The following MAGI1 variants were observed in gnomAD, a reference collection of about 807,000 sequenced individuals.
The protein encoded by MAGI1 is membrane-associated guanylate kinase, WW and PDZ domain-containing protein 1.
A neutral mutation model predicts 139.9 loss-of-function variants in MAGI1; 58 were observed. The ratio of observed to expected loss-of-function variants is 0.41; its 90% CI spans 0.34 to 0.52. The LOEUF (loss-of-function observed/expected upper bound fraction) is 0.52, where lower values mean the gene tolerates loss of function less well. Ranked by LOEUF, MAGI1 falls within the 20% of genes least tolerant of loss-of-function variation. MAGI1 has a pLI of 0.12. For synonymous variants in MAGI1, 812 were observed against 737.9 expected, an observed-to-expected ratio of 1.10 and a Z score of -1.63; for missense variants, 1,874 against 1,901.6, an observed-to-expected ratio of 0.99 and a Z score of 0.27.
Position 65,439,885 on chromosome 3 carries a change from TCTGCTGCTGCTG to T in MAGI1, c.1252_1263del (p.Gln418_Gln421del), listed in dbSNP as rs142043619. 3.2e-4 allele frequency: 504 copies of T among 1,584,894 alleles called. 6 individuals carry two copies. The East Asian group carries it at 0.011, about 35-fold the overall frequency. On this transcript the variant is annotated inframe_deletion, in exon 9 of 23. Coordinates refer to ENST00000402939, the MANE Select transcript of MAGI1 (RefSeq NM_001033057.2). ...CTAGAGGAAAGAGGCCAACCTTCTGTCTGCTGCTGCTGCTGCTGCTGCTGCTGCTGTTGCTGC... is the reference window on the plus strand; with the variant it reads ...CTAGAGGAAAGAGGCCAACCTTCTGTCTGCTGCTGCTGCTGCTGTTGCTGC...
intron 2 of MAGI1, among the ~76,000 whole-genome samples, chr3:65,528,365 G>A (rs1357952525): frequency 6.6e-6 from 1 of 152,126 alleles, no homozygotes; most frequent in Non-Finnish European, 1.5e-5. Flanking sequence ...TTACATAGCC[G>A]AAGTCCTTCA....
rs536585882 is a variant in MAGI1, at chr3:65,531,675, T to C, written c.431-38044A>G. 4.6e-5 allele frequency among the ~76,000 whole-genome samples: 7 copies of C among 152,236 alleles called. No individual in the cohort carries two copies. The South Asian group carries it at 1.2e-3, about 27-fold the overall frequency. On this transcript the variant is annotated intron_variant, in intron 2 of 22. Transcript: ENST00000402939. ...GGCATCACCCTCAAGTGGAATAAAA[T>C]AGCATTAAGAACATACACGCCTTGG... is the stretch of plus-strand genomic sequence containing the variant.
intron 1 of MAGI1, among the ~76,000 whole-genome samples, chr3:65,665,108 A>G (rs1251891781): frequency 2.0e-5 from 3 of 152,160 alleles, no homozygotes; most frequent in Non-Finnish European, 4.4e-5. Flanking sequence ...CATGCTATCA[A>G]TCTAAAGCAA....
At chr3:65,793,192 T>A (rs796134900) in intron 1 of MAGI1, among the ~76,000 whole-genome samples, 57 of 152,342 alleles carry the variant, frequency 3.7e-4, no homozygotes, top group African/African-American at 1.1e-3. Flanking sequence ...CAGGGCTTCA[T>A]CACATTATCA....
chr3:65,674,205 G>A (rs562119534), intron 1 of MAGI1, among the ~76,000 whole-genome samples: 5 of 152,272 alleles, frequency 3.3e-5, no homozygotes, highest in Admixed American at 3.3e-4. Flanking sequence ...ATGATGTTAA[G>A]TAGCTAAGAT....
intron 1 of MAGI1, among the ~76,000 whole-genome samples, chr3:65,703,122 T>G (rs2089728452): frequency 6.6e-6 from 1 of 152,150 alleles, no homozygotes; most frequent in East Asian, 1.9e-4. Context: ...CAAGGCATGA[T>G]GCGCATCTCT....
chr3:65,519,481 G>T (rs2078055386), intron 2 of MAGI1, among the ~76,000 whole-genome samples: 1 of 152,046 alleles, frequency 6.6e-6, no homozygotes, highest in African/African-American at 2.4e-5. Flanking sequence ...AGCCTCCTCA[G>T]TTCCAGTGAT....
chr3:65,787,697 G>A (rs1285113808), intron 1 of MAGI1, among the ~76,000 whole-genome samples: 1 of 151,912 alleles, frequency 6.6e-6, no homozygotes, highest in Non-Finnish European at 1.5e-5. Flanking sequence ...AGTTCATGGT[G>A]TTATGGGAAC....
intron 2 of MAGI1, among the ~76,000 whole-genome samples, chr3:65,550,588 T>C (rs1490457657): frequency 6.6e-6 from 1 of 152,142 alleles, no homozygotes; most frequent in Non-Finnish European, 1.5e-5. Context: ...ACCACAGCAA[T>C]AGTGATGGGA....
chr3:65,704,880 C>T (rs2029891624), intron 1 of MAGI1, among the ~76,000 whole-genome samples: 1 of 152,086 alleles, frequency 6.6e-6, no homozygotes, highest in African/African-American at 2.4e-5. Flanking sequence ...CTCATATTTA[C>T]CTACCCTTCC....
chr3:65,504,750 A>T (rs2077212230), intron 2 of MAGI1, among the ~76,000 whole-genome samples: 1 of 152,204 alleles, frequency 6.6e-6, no homozygotes, highest in African/African-American at 2.4e-5. Context: ...AACTGTCAGG[A>T]ACTATGTCTT....
intron 2 of MAGI1, among the ~76,000 whole-genome samples, chr3:65,586,342 T>C (rs756493988): frequency 6.6e-6 from 1 of 152,098 alleles, no homozygotes; most frequent in African/African-American, 2.4e-5. Flanking sequence ...TTATTAGGAA[T>C]AGAAAATGGA....
intron 12 of MAGI1, among the ~76,000 whole-genome samples, chr3:65,409,639 T>G (rs1056822941): frequency 1.3e-5 from 2 of 151,898 alleles, no homozygotes; most frequent in Non-Finnish European, 2.9e-5. Context: ...TTTCATTTTT[T>G]TTTTCTCCTT....
At chr3:65,619,041 G>T (rs1353246343) in intron 2 of MAGI1, among the ~76,000 whole-genome samples, 2 of 152,168 alleles carry the variant, frequency 1.3e-5, no homozygotes, top group South Asian at 2.1e-4. Context: ...ATAAAGGGAA[G>T]ATAAAAGGGG....
chr3:65,777,689 GA>G (rs2038576451), intron 1 of MAGI1, among the ~76,000 whole-genome samples: 1 of 147,948 alleles, frequency 6.8e-6, no homozygotes, highest in South Asian at 2.2e-4. Context: ...AAAGGGAAAA[GA>G]AAAATATGTT....
chr3:65,878,743 G>A (rs1575816141), intron 1 of MAGI1, among the ~76,000 whole-genome samples: 1 of 152,126 alleles, frequency 6.6e-6, no homozygotes, highest in African/African-American at 2.4e-5. Context: ...TTGCTTCAAT[G>A]CTGTCTGCTG....
In MAGI1 at chr3:65,891,075, C is replaced by A. The variant is rs148410152; in HGVS notation, c.313+146921G>T. On this transcript the variant is annotated intron_variant, in intron 1 of 22. Transcript: ENST00000402939. ...AAAAATTACAAAAATTAGCCAGGCA[C>A]GGTGGCATGCACCTGTAGTCCTAGC... 2.4e-3 allele frequency among the ~76,000 whole-genome samples: 366 copies of A among 151,782 alleles called. 1 individual carries two copies. Among genetic ancestry groups the A allele is most frequent in the African/African-American group, 8.4e-3 (349 of 41,374 alleles).
intron 1 of MAGI1, among the ~76,000 whole-genome samples, chr3:65,740,604 T>C (rs903703183): frequency 1.3e-5 from 2 of 152,206 alleles, no homozygotes; most frequent in Non-Finnish European, 2.9e-5. Context: ...ATCCCAGTGA[T>C]AGTGGGGAGA....
At chr3:65,384,957 C>A (rs965065978) in intron 14 of MAGI1, among the ~76,000 whole-genome samples, 1 of 152,074 alleles carries the variant, frequency 6.6e-6, no homozygotes, top group Non-Finnish European at 1.5e-5. Flanking sequence ...ATACTATTAC[C>A]AAAATCAGCC....
Sources: allele counts gnomAD v4.1 joint callset (sites outside exome capture counted in the v4.1 genomes callset), GRCh38; gene constraint gnomAD v4.1.1; transcripts MANE v1.5; gene names NCBI Gene and HGNC (gene_info 2026-07-23, HGNC 2026-07-21).